ASCC3: variants seen among roughly 807,000 people sequenced by gnomAD.
ASCC3 encodes the protein activating signal cointegrator 1 complex subunit 3.
ASCC3 carries 158 observed loss-of-function variants against 256.3 expected under a neutral mutation model. The observed-to-expected ratio is 0.62, with a 90% CI of 0.54 to 0.70. The LOEUF is 0.70. Among genes scored for constraint, ASCC3 ranks in the 30% least tolerant of loss-of-function variants. The pLI is 0.00. For missense variants in ASCC3, 2,259 were observed against 2,626.0 expected (o/e 0.86, Z 3.05); for synonymous variants, 948 against 883.4 (o/e 1.07, Z -1.30).
chr6:100,679,297 T>C (rs1230943661), intron 14 of ASCC3, among the ~76,000 whole-genome samples: 2 of 152,024 alleles, frequency 1.3e-5, no homozygotes, highest in Non-Finnish European at 2.9e-5. Flanking sequence ...AAAGTATTAA[T>C]TCTTTAGAAG....
intron 30 of ASCC3, among the ~76,000 whole-genome samples, chr6:100,619,564 G>C (rs1479805901): frequency 6.6e-6 from 1 of 152,100 alleles, no homozygotes; most frequent in Non-Finnish European, 1.5e-5. Context: ...ACTGGATAAA[G>C]AGTCTTGATT....
At chr6:100,628,059 G>T in intron 27 of ASCC3, 72 bp from the exon 28 acceptor site, 3 of 1,440,920 alleles carry the variant, frequency 2.1e-6, no homozygotes, top group Non-Finnish European at 2.9e-6. Flanking sequence ...ACCACAAAAG[G>T]AAGAGTTTGT....
intron 30 of ASCC3, among the ~76,000 whole-genome samples, chr6:100,613,491 T>C (rs903741086): frequency 6.6e-6 from 1 of 152,120 alleles, no homozygotes; most frequent in Admixed American, 6.5e-5. Context: ...CATTCTTTTT[T>C]ATGGCTGAAT....
At chr6:100,566,677 GT>G (rs1362601941) in intron 36 of ASCC3, among the ~76,000 whole-genome samples, 1 of 151,726 alleles carries the variant, frequency 6.6e-6, no homozygotes, top group African/African-American at 2.4e-5. Flanking sequence ...TTTGTTTTTT[GT>G]TTTTTTAAGG....
rs1175610071 is a variant in ASCC3 at position 100,646,755 on chromosome 6, G to A, written c.3493C>T (p.His1165Tyr). Reference sequence around the variant, plus strand: ...TTGACCTTCAGTCCAATATTCACATGATGTAAAATGTGACCTGCAAGAAAA... The same window carrying A: ...TTGACCTTCAGTCCAATATTCACATAATGTAAAATGTGACCTGCAAGAAAA... ...RKDEIGHILH[H>Y]VNIGLKVKQC... The change falls in exon 22 of 42, where the codon CAT becomes TAT. Residue 1165 changes from histidine (H) to tyrosine (Y), a missense_variant. This residue lies in a region of ASCC3 where 1,839 missense variants were observed against 2,206.7 expected (regional missense o/e 0.83). Coordinates refer to ENST00000369162, the MANE Select transcript of ASCC3 (RefSeq NM_006828.4). 5 of 1,613,700 alleles carry A rather than the reference G, an allele frequency of 3.1e-6. No homozygotes were observed. Among genetic ancestry groups the A allele is most frequent in the South Asian group, 1.1e-5 (1 of 91,074 alleles).
rs74960213 is a variant in ASCC3, at chr6:100,867,770, A to G, written c.90+138T>C. 1.5e-3 allele frequency: 1,070 copies of G among 729,478 alleles called. 23 individuals are homozygous for G. In the East Asian group the frequency reaches 0.025, roughly 17 times the overall value. 45.2% of individuals were successfully genotyped at this position (729,478 alleles called of 1,614,324 possible). Reference sequence around the variant, plus strand: ...TACCATAGTAAACAGCAGCATACACATTCTCCATCTTTGCCTCACACCAAA... The same window carrying G: ...TACCATAGTAAACAGCAGCATACACGTTCTCCATCTTTGCCTCACACCAAA... On this transcript the variant is annotated intron_variant, in intron 2 of 41. Coordinates refer to ENST00000369162, the MANE Select transcript of ASCC3 (RefSeq NM_006828.4).
chr6:100,607,262 G>A (rs1238840956), intron 30 of ASCC3, among the ~76,000 whole-genome samples, 174 bp from the exon 31 acceptor site: 6 of 151,742 alleles, frequency 4.0e-5, no homozygotes, highest in Admixed American at 3.9e-4. Flanking sequence ...TATCTACTTG[G>A]TGAGAATATA....
intron 4 of ASCC3, among the ~76,000 whole-genome samples, chr6:100,840,416 C>T (rs2114483299): frequency 6.6e-6 from 1 of 151,812 alleles, no homozygotes; most frequent in African/African-American, 2.4e-5. Context: ...AAGCCTCAAC[C>T]TCCCAGGCTC....
At chr6:100,726,379 A>T (rs1464133686) in intron 10 of ASCC3, among the ~76,000 whole-genome samples, 1 of 151,966 alleles carries the variant, frequency 6.6e-6, no homozygotes, top group Non-Finnish European at 1.5e-5. Context: ...GTGGCCATCT[A>T]CCTCACCACC....
rs1773078971 is a variant in ASCC3 at position 100,608,180 on chromosome 6, G to GTATATATACATA, written c.4786-1093_4786-1092insTATGTATATATA. 2.0e-4 allele frequency among the ~76,000 whole-genome samples: 4 copies of GTATATATACATA among 19,882 alleles called. 2 individuals are homozygous for GTATATATACATA. The highest frequency in any genetic ancestry group is 2.5e-4 in the Non-Finnish European group (2 of 8,134). The allele number at this position is 19,882 out of a possible 152,430, so 13.0% of individuals were successfully genotyped here. A position where few individuals can be genotyped will look rare whatever the true frequency, so the allele number is the denominator to read the frequency against. On this transcript the variant is annotated intron_variant, in intron 30 of 41. Coordinates refer to ENST00000369162, the MANE Select transcript of ASCC3 (RefSeq NM_006828.4). ...CATATTTATATACATATTTATATAT[G>GTATATATACATA]TGTGTGTATATATATACTTTATATA...
At position 100,767,128 on chromosome 6, in the gene ASCC3, C is replaced by A. The variant is rs1582831935; in HGVS notation, c.1596+17G>T. 4 of 1,608,326 alleles carry A rather than the reference C, an allele frequency of 2.5e-6. No homozygotes were observed. The highest frequency in any genetic ancestry group is 1.7e-5 in the Admixed American group (1 of 59,990). The stretch of plus-strand genomic sequence containing the variant: ...TCCTTACAATTTAAAAAGCTGTTGT[C>A]TGATTTATTTACTTACCTTAAATTC... On this transcript the variant is annotated intron_variant, in intron 9 of 41. Transcript: ENST00000369162.
chr6:100,694,628 C>T (rs1777997422), intron 13 of ASCC3, among the ~76,000 whole-genome samples: 1 of 152,124 alleles, frequency 6.6e-6, no homozygotes, highest in Admixed American at 6.6e-5. Flanking sequence ...CTTAGAAGAT[C>T]CTATTGTGCA....
rs1403562809 is a variant in ASCC3 at position 100,606,817 on chromosome 6, G to A, written c.4967C>T (p.Pro1656Leu). 4 of 1,611,912 alleles carry A rather than the reference G, an allele frequency of 2.5e-6. No homozygotes were observed. The highest frequency in any genetic ancestry group is 3.4e-6 in the Non-Finnish European group (4 of 1,179,050). Residue 1656 changes from proline to leucine, a missense_variant, in exon 32 of 42, where the codon CCA (proline) becomes CTA (leucine). Pro to Leu is a moderately conservative substitution (Grantham distance 98). This residue lies in a region of ASCC3 where 1,839 missense variants were observed against 2,206.7 expected (regional missense o/e 0.83). Coordinates refer to ENST00000369162, the MANE Select transcript of ASCC3 (RefSeq NM_006828.4). ...TCCCTTAATAATTACTAAATGAGCTGGAAAGTTTACACCCCAGGCTAATGT... is the reference window on the plus strand; with the variant it reads ...TCCCTTAATAATTACTAAATGAGCTAGAAAGTTTACACCCCAGGCTAATGT... ...TSTLAWGVNF[P>L]AHLVIIKGTE... is the part of the protein sequence containing the mutation.
At chr6:100,509,781 G>T in intron 41 of ASCC3, 151 bp downstream of exon 41, 1 of 814,134 alleles carries the variant, frequency 1.2e-6, no homozygotes, top group South Asian at 1.8e-5. Context: ...CCAGCTACTC[G>T]GGAGGCTGAG....
chr6:100,752,239 T>A (rs1157293606), intron 10 of ASCC3, among the ~76,000 whole-genome samples: 1 of 152,134 alleles, frequency 6.6e-6, no homozygotes, highest in Non-Finnish European at 1.5e-5. Flanking sequence ...GTTTATATTA[T>A]CTTGCTGGTT....
intron 34 of ASCC3, among the ~76,000 whole-genome samples, chr6:100,590,336 G>C (rs1044769546): frequency 1.3e-5 from 2 of 151,978 alleles, no homozygotes; most frequent in African/African-American, 4.8e-5. Flanking sequence ...TTCTAACCAA[G>C]TCTTAATACA....
At chr6:100,695,863 G>C (rs1250024360) in intron 13 of ASCC3, among the ~76,000 whole-genome samples, 6 of 152,176 alleles carry the variant, frequency 3.9e-5, no homozygotes, top group Non-Finnish European at 8.8e-5. Flanking sequence ...AGATAGACCA[G>C]TGGAGAGTTA....
At chr6:100,795,063 A>G (rs1769540807) in intron 8 of ASCC3, among the ~76,000 whole-genome samples, 1 of 152,102 alleles carries the variant, frequency 6.6e-6, no homozygotes, top group Non-Finnish European at 1.5e-5. Flanking sequence ...GTGAGTAGCC[A>G]TGTGTCAGTA....
chr6:100,778,724 T>A (rs1474672333), intron 8 of ASCC3, among the ~76,000 whole-genome samples: 1 of 152,144 alleles, frequency 6.6e-6, no homozygotes, highest in Non-Finnish European at 1.5e-5. Flanking sequence ...ACAATGCAGA[T>A]TTTTTAATAT....
Sources: allele counts gnomAD v4.1 joint callset (sites outside exome capture counted in the v4.1 genomes callset), GRCh38; gene constraint gnomAD v4.1.1; regional missense constraint gnomAD v4.1.1; transcripts MANE v1.5; gene names NCBI Gene and HGNC (gene_info 2026-07-23, HGNC 2026-07-21).